Variants in TENM3 observed in about 807,000 individuals in gnomAD.
TENM3 encodes teneurin-3.
In TENM3, 63 loss-of-function variants were observed where a neutral mutation model predicts 255.1. That is an observed-to-expected ratio of 0.25 (90% CI 0.20 to 0.30). The LOEUF (loss-of-function observed/expected upper bound fraction) is 0.30. Among genes scored for constraint, TENM3 ranks in the 10% least tolerant of loss-of-function variants. The pLI, the probability that TENM3 is intolerant of heterozygous loss-of-function variation, is 1.00. For synonymous variants in TENM3, 1,306 were observed against 1,322.3 expected (o/e 0.99, Z 0.27); for missense variants, 2,929 against 3,461.1 (o/e 0.85, Z 3.86).
chr4:181,492,798 A>T, the TENM3 span, among the ~76,000 whole-genome samples: 1 of 152,102 alleles, frequency 6.6e-6, no homozygotes, highest in African/African-American at 2.4e-5. Context: ...GTTAGATTAG[A>T]TAAACTTTAG....
At chr4:182,443,123 A>G (rs559223942) in intron 3 of TENM3, among the ~76,000 whole-genome samples, 38 of 152,266 alleles carry the variant, frequency 2.5e-4, no homozygotes, top group Middle Eastern at 3.4e-3. Context: ...AAACAATTCA[A>G]TCATCTTTAT....
intron 3 of TENM3, among the ~76,000 whole-genome samples, chr4:182,427,738 C>T (rs1771332172): frequency 6.6e-6 from 1 of 152,120 alleles, no homozygotes. Flanking sequence ...TGCAATACTG[C>T]TGAATTTTTA....
chr4:182,651,424 C>T (rs1454565124), intron 5 of TENM3, among the ~76,000 whole-genome samples: 1 of 152,176 alleles, frequency 6.6e-6, no homozygotes, highest in African/African-American at 2.4e-5. Flanking sequence ...GGCGCAGTGG[C>T]TCAAGCCTGT....
chr4:182,361,544 T>A (rs928709331), intron 3 of TENM3, among the ~76,000 whole-genome samples: 45 of 152,294 alleles, frequency 3.0e-4, no homozygotes, highest in African/African-American at 1.0e-3. Context: ...CTTCACGTAG[T>A]TCTCGAGCCT....
At chr4:181,723,988 G>A in the TENM3 span, among the ~76,000 whole-genome samples, 2,670 of 152,222 alleles carry the variant, frequency 0.018, 75 homozygotes, top group African/African-American at 0.061. Flanking sequence ...TCAGGATAAC[G>A]AGCAATCTCT....
the TENM3 span, among the ~76,000 whole-genome samples, chr4:181,871,962 T>C: frequency 3.8e-4 from 58 of 152,302 alleles, no homozygotes; most frequent in African/African-American, 1.4e-3. Flanking sequence ...TCTGACTTGA[T>C]AGTGTTTTGC....
At chr4:182,469,641 G>A (rs1175219410) in intron 3 of TENM3, among the ~76,000 whole-genome samples, 2 of 151,748 alleles carry the variant, frequency 1.3e-5, no homozygotes, top group African/African-American at 4.8e-5. Flanking sequence ...TTGAACCTGG[G>A]AGGCGGAGGT....
At chr4:181,732,101 G>T in the TENM3 span, among the ~76,000 whole-genome samples, 3 of 152,180 alleles carry the variant, frequency 2.0e-5, no homozygotes, top group Non-Finnish European at 4.4e-5. Flanking sequence ...CTTATGAGGC[G>T]ATTTTCCCCA....
At chr4:182,382,360 GT>G (rs35199503) in intron 3 of TENM3, among the ~76,000 whole-genome samples, 127,260 of 148,194 alleles carry the variant, frequency 0.86, 54,822 homozygotes, top group African/African-American at 0.9. Flanking sequence ...ACCATTTCTT[GT>G]TTTTTTTTTT....
At chr4:182,484,154 G>C (rs1429030841) in intron 3 of TENM3, among the ~76,000 whole-genome samples, 1 of 152,080 alleles carries the variant, frequency 6.6e-6, no homozygotes, top group Non-Finnish European at 1.5e-5. Context: ...TCAAGTGCCA[G>C]GTACTGTTCT....
At chr4:182,106,443 C>T in the TENM3 span, among the ~76,000 whole-genome samples, 229 of 152,222 alleles carry the variant, frequency 1.5e-3, no homozygotes, top group African/African-American at 5.3e-3. Context: ...GGCGATGGAG[C>T]GAGGCCCCTG....
At chr4:181,775,199 G>A in the TENM3 span, among the ~76,000 whole-genome samples, 2 of 152,094 alleles carry the variant, frequency 1.3e-5, no homozygotes, top group African/African-American at 4.8e-5. Flanking sequence ...ACTCCCATCA[G>A]GCACAACATT....
At chr4:182,004,236 A>G in the TENM3 span, among the ~76,000 whole-genome samples, 65 of 152,014 alleles carry the variant, frequency 4.3e-4, no homozygotes, top group Admixed American at 4.3e-3. Flanking sequence ...CCCCCCAACA[A>G]GCCCTGGTGT....
At chr4:182,656,165 A>G (rs772723879) in intron 6 of TENM3, among the ~76,000 whole-genome samples, 1 of 152,142 alleles carries the variant, frequency 6.6e-6, no homozygotes, top group Non-Finnish European at 1.5e-5. Context: ...AGTCTCCTAT[A>G]TAGGGAATGG....
intron 1 of TENM3, among the ~76,000 whole-genome samples, chr4:182,301,767 C>T (rs191553111): frequency 6.6e-6 from 1 of 152,274 alleles, no homozygotes; most frequent in African/African-American, 2.4e-5. Context: ...CATATTCAGT[C>T]ATAAAAGGCA....
At chr4:181,664,871 C>T in the TENM3 span, among the ~76,000 whole-genome samples, 1 of 152,216 alleles carries the variant, frequency 6.6e-6, no homozygotes, top group Admixed American at 6.5e-5. Flanking sequence ...GCTTTACCCC[C>T]ATGCTCCTTG....
chr4:181,622,244 T>A, the TENM3 span, among the ~76,000 whole-genome samples: 1 of 152,186 alleles, frequency 6.6e-6, no homozygotes, highest in Non-Finnish European at 1.5e-5. Flanking sequence ...CCCCACTGCC[T>A]CTTTCCTGCC....
chr4:182,620,298 A>C (rs891962777), intron 4 of TENM3, among the ~76,000 whole-genome samples: 1 of 152,312 alleles, frequency 6.6e-6, no homozygotes, highest in Middle Eastern at 3.4e-3. Context: ...ACATAAAGTA[A>C]CCATTGTGTT....
chr4:182,739,246 C>T (rs1430177336), intron 18 of TENM3, among the ~76,000 whole-genome samples: 3 of 151,936 alleles, frequency 2.0e-5, no homozygotes, highest in Non-Finnish European at 4.4e-5. Flanking sequence ...TTTCAAATGC[C>T]GCAGACCAAA....
Sources: gnomAD v4.1 joint callset for allele counts (sites outside exome capture counted in the v4.1 genomes callset) on GRCh38, gnomAD v4.1.1 for gene constraint, MANE v1.5 for transcripts, NCBI Gene and HGNC (gene_info 2026-07-23, HGNC 2026-07-21) for gene names.